NPNT: variants seen among roughly 807,000 people sequenced by gnomAD.
The protein encoded by NPNT is nephronectin, also known as preosteoblast EGF-like repeat protein with MAM domain.
NPNT carries 45 observed loss-of-function variants against 68.6 expected under a neutral mutation model. The observed-to-expected ratio is 0.66, with a 90% CI of 0.52 to 0.84. The LOEUF is 0.84. Among genes scored for constraint, NPNT ranks in the 40% least tolerant of loss-of-function variants. The probability of loss-of-function intolerance (pLI) is 0.00; values close to 1 mark genes in which losing one functional copy is unlikely to be tolerated. For missense variants in NPNT, 672 were observed against 714.8 expected, an observed-to-expected ratio of 0.94 and a Z score of 0.68; for synonymous variants, 233 against 253.3, an observed-to-expected ratio of 0.92 and a Z score of 0.76.
intron 1 of NPNT, chr4:105,896,077 C>T (rs1725815904): frequency 3.6e-6 from 1 of 275,332 alleles, no homozygotes; most frequent in East Asian, 8.6e-5. Context: ...CATCCCTTAC[C>T]CGGGAAACTC....
intron 2 of NPNT, among the ~76,000 whole-genome samples, chr4:105,914,488 G>T: frequency 7.3e-6 from 1 of 137,752 alleles, no homozygotes; most frequent in Non-Finnish European, 1.5e-5. Flanking sequence ...TATAGAGAGA[G>T]AGATAATGGA....
rs150446581 is a variant in NPNT, at chr4:105,967,210, G to A, written c.1368G>A (p.Ser456=). 9.9e-6 allele frequency: 16 copies of A among 1,613,514 alleles called. No homozygotes were observed. Among genetic ancestry groups the A allele is most frequent in the African/African-American group, 6.7e-5 (5 of 74,856 alleles). Residue 456 remains serine, a synonymous_variant, in exon 11 of 12, where the codon TCG becomes TCA. Coordinates refer to ENST00000379987, the MANE Select transcript of NPNT (RefSeq NM_001033047.3). ...DPAGGQYLTV[S]AAKAPGGKAA... is the part of the protein sequence containing the mutation. ...CAGGTGGACAATATCTGACAGTGTCGGCAGCCAAAGCCCCAGGGGGAAAAG... is the reference window on the plus strand; with the variant it reads ...CAGGTGGACAATATCTGACAGTGTCAGCAGCCAAAGCCCCAGGGGGAAAAG...
rs189205400 is a variant in NPNT at position 105,970,819 on chromosome 4, A to G, written c.*1829A>G. Reference sequence around the variant, plus strand: ...GCAGTGAAAATCTTTAGAACTAAATAATTTGGACAAGGCTTAATTTAGGCA... The same window carrying G: ...GCAGTGAAAATCTTTAGAACTAAATGATTTGGACAAGGCTTAATTTAGGCA... On this transcript the variant is annotated 3_prime_UTR_variant, in exon 12 of 12. Transcript: ENST00000379987. 3.4e-3 allele frequency: 1,073 copies of G among 315,052 alleles called. 3 individuals carry two copies. Among genetic ancestry groups the G allele is most frequent in the Admixed American group, 6.7e-3 (150 of 22,224 alleles). The allele number at this position is 315,052 out of a possible 1,614,324, so 19.5% of individuals were successfully genotyped here.
chr4:105,924,061 TA>T lies in NPNT; in HGVS notation c.173-3274del, dbSNP rs568132183. Among the ~76,000 whole-genome samples the T allele has an allele frequency of 3.9e-3, 577 of 147,910 alleles. 3 individuals carry two copies. Among genetic ancestry groups the T allele is most frequent in the African/African-American group, 0.013 (543 of 40,724 alleles). On this transcript the variant is annotated intron_variant, in intron 2 of 11. Transcript: ENST00000379987. ...TGCGCCCCCCCCCCACCACTTTGCT[TA>T]TATTCTGAAAGTCTTTTGTTTCCTA... is the stretch of plus-strand genomic sequence containing the variant.
rs1200380676 is a variant in NPNT at position 105,895,715 on chromosome 4, C to T, written c.63C>T (p.Phe21=). 26 of 1,552,990 alleles carry T rather than the reference C, an allele frequency of 1.7e-5. No individual in the cohort carries two copies. The African/African-American group carries it at 1.9e-4, about 11-fold the overall frequency. ...SSLYLQAAAE[F]DGRWPRQIVS... ...TCTACCTGCAGGCGGCCGCCGAGTT[C>T]GACGGGAGGTGAGCTGGGCCCCGGG... The change falls in exon 1 of 12, where the codon TTC becomes TTT. Residue 21 remains phenylalanine, a synonymous_variant. Transcript: ENST00000379987.
chr4:105,958,235 AT>A (rs1731394289), intron 8 of NPNT, among the ~76,000 whole-genome samples: 1 of 152,132 alleles, frequency 6.6e-6, no homozygotes, highest in Admixed American at 6.6e-5. Flanking sequence ...TTTTTGTTGA[AT>A]TTTAGAAACT....
chr4:105,912,245 T>C (rs1174552058), intron 2 of NPNT: 1 of 1,524,744 alleles, frequency 6.6e-7, no homozygotes, highest in Admixed American at 2.0e-5. Flanking sequence ...AAAGGTTAGA[T>C]GAACATATTT....
chr4:105,900,599 A>G (rs1726318515), intron 2 of NPNT, among the ~76,000 whole-genome samples: 1 of 152,144 alleles, frequency 6.6e-6, no homozygotes, highest in South Asian at 2.1e-4. Flanking sequence ...CTTCTGGCTC[A>G]CTATGTCTAA....
intron 2 of NPNT, among the ~76,000 whole-genome samples, chr4:105,923,710 C>G (rs1406022930): frequency 6.6e-6 from 1 of 152,074 alleles, no homozygotes; most frequent in African/African-American, 2.4e-5. Context: ...CTCTTCAGCC[C>G]CCTTCTTACA....
Position 105,942,640 on chromosome 4 carries a change from G to A in NPNT, c.1097G>A (p.Gly366Glu), listed in dbSNP as rs768023820. The A allele has an allele frequency of 3.7e-6, 6 of 1,613,834 alleles. No individual in the cohort carries two copies. The African/African-American group carries it at 6.7e-5, about 18-fold the overall frequency. Residue 366 changes from glycine (G) to glutamate (E), a missense_variant, in exon 8 of 12, where the codon GGA becomes GAA. Transcript: ENST00000379987. Reference sequence around the variant, plus strand: ...GCACCAGCTGCCAGTACACCTCCAGGAGGGATTACAGTTGACAACAGGGTA... The same window carrying A: ...GCACCAGCTGCCAGTACACCTCCAGAAGGGATTACAGTTGACAACAGGGTA... ...TIAPAASTPP[G>E]GITVDNRVQT...
intron 3 of NPNT, among the ~76,000 whole-genome samples, chr4:105,934,602 C>G (rs1729370060): frequency 6.6e-6 from 1 of 152,224 alleles, no homozygotes; most frequent in Non-Finnish European, 1.5e-5. Flanking sequence ...GGAATATCAT[C>G]CAGACCATCA....
intron 8 of NPNT, among the ~76,000 whole-genome samples, chr4:105,947,280 A>G (rs1300572102): frequency 6.6e-6 from 1 of 152,166 alleles, no homozygotes; most frequent in Non-Finnish European, 1.5e-5. Context: ...ACGTTTTACA[A>G]CCAATTTGTA....
At chr4:105,904,938 G>C (rs1726760194) in intron 2 of NPNT, among the ~76,000 whole-genome samples, 1 of 152,082 alleles carries the variant, frequency 6.6e-6, no homozygotes, top group Admixed American at 6.5e-5. Context: ...GTTTCATCGT[G>C]TTGGTCTGGC....
Position 105,895,731 on chromosome 4 carries a change from G to A in NPNT, c.71+8G>A. On this transcript the variant is annotated splice_region_variant and intron_variant, in intron 1 of 11. Transcript: ENST00000379987. ...CGCCGAGTTCGACGGGAGGTGAGCT[G>A]GGCCCCGGGGCGCCCTCTCCTCCTT... is the stretch of plus-strand genomic sequence containing the variant. The A allele has an allele frequency of 6.4e-7, 1 of 1,550,674 alleles. No homozygotes were observed. The highest frequency in any genetic ancestry group is 8.7e-7 in the Non-Finnish European group (1 of 1,146,066).
rs549585899 is a variant in NPNT, at chr4:105,969,567, G to GT, written c.*587dup. On this transcript the variant is annotated 3_prime_UTR_variant, in exon 12 of 12. Coordinates refer to ENST00000379987, the MANE Select transcript of NPNT (RefSeq NM_001033047.3). ...TATCAAGATACATTTATTTTTATCTGTTTTTTTTTTCCTGTTAAAGACAAT... is the reference window on the plus strand; with the variant it reads ...TATCAAGATACATTTATTTTTATCTGTTTTTTTTTTTCCTGTTAAAGACAAT... 494 of 148,628 alleles carry GT rather than the reference G, an allele frequency of 3.3e-3. No homozygotes were observed. Among genetic ancestry groups the GT allele is most frequent in the Middle Eastern group, 0.01 (3 of 288 alleles). 9.2% of individuals were successfully genotyped at this position (148,628 alleles called of 1,614,324 possible).
In NPNT at chr4:105,940,579, G is replaced by T; in HGVS notation, c.706G>T (p.Gly236Trp). The stretch of plus-strand genomic sequence containing the variant: ...CTTTGCTCGATGTTATAACATACGT[G>T]GGTCCTACAAGTGCAAATGTAAAGA... Reference protein sequence around the residue: ...SSFARCYNIRGSYKCKCKEGY... With the variant: ...SSFARCYNIRWSYKCKCKEGY... Residue 236 changes from glycine (G) to tryptophan (W), a missense_variant, in exon 7 of 12, where the codon GGG (glycine) becomes TGG (tryptophan). Coordinates refer to ENST00000379987, the MANE Select transcript of NPNT (RefSeq NM_001033047.3). 1 of 1,612,726 alleles carries T rather than the reference G, an allele frequency of 6.2e-7. No individual in the cohort carries two copies. The highest frequency in any genetic ancestry group is 1.1e-5 in the South Asian group (1 of 91,064).
At position 105,969,033 on chromosome 4, in the gene NPNT, C is replaced by CT. The variant is rs1209425072; in HGVS notation, c.*48dup. 1 of 1,266,542 alleles carries CT rather than the reference C, an allele frequency of 7.9e-7. No individual in the cohort carries two copies. Among genetic ancestry groups the CT allele is most frequent in the Non-Finnish European group, 1.1e-6 (1 of 872,264 alleles). The allele number at this position is 1,266,542 out of a possible 1,614,324, so 78.5% of individuals were successfully genotyped here. ...ATGAACTCCTATGTTGCTCTATCCT[C>CT]TTTTTCCAATTCTCATCTTCTCTCC... On this transcript the variant is annotated 3_prime_UTR_variant, in exon 12 of 12. Transcript: ENST00000379987.
chr4:105,968,514 T>C (rs1361279889), intron 11 of NPNT, among the ~76,000 whole-genome samples: 1 of 152,250 alleles, frequency 6.6e-6, no homozygotes, highest in Non-Finnish European at 1.5e-5. Context: ...ACATTTAAGA[T>C]AGGCTGTGTG....
intron 2 of NPNT, among the ~76,000 whole-genome samples, chr4:105,905,869 A>G (rs1726849324): frequency 6.6e-6 from 1 of 152,204 alleles, no homozygotes; most frequent in South Asian, 2.1e-4. Flanking sequence ...TGTAAAGGAG[A>G]GTAAATCATG....
Sources: gnomAD v4.1 joint callset for allele counts (sites outside exome capture counted in the v4.1 genomes callset) on GRCh38, gnomAD v4.1.1 for gene constraint, MANE v1.5 for transcripts, NCBI Gene and HGNC (gene_info 2026-07-23, HGNC 2026-07-21) for gene names.